PRR16: variants seen among roughly 807,000 people sequenced by gnomAD.
PRR16 encodes the protein proline rich 16.
In PRR16, 6 loss-of-function variants were observed where a neutral mutation model predicts 18.2. The ratio of observed to expected loss-of-function variants is 0.33; its 90% CI spans 0.18 to 0.65. The LOEUF is 0.65. Among genes scored for constraint, PRR16 ranks in the 30% least tolerant of loss-of-function variants. The probability of loss-of-function intolerance (pLI) is 0.74; values close to 1 mark genes in which losing one functional copy is unlikely to be tolerated. For synonymous variants in PRR16, 151 were observed against 147.8 expected (o/e 1.02, Z -0.16); for missense variants, 412 against 376.6 (o/e 1.09, Z -0.78).
At chr5:120,669,446 G>A (rs1426403887) in intron 1 of PRR16, among the ~76,000 whole-genome samples, 1 of 151,810 alleles carries the variant, frequency 6.6e-6, no homozygotes, top group Non-Finnish European at 1.5e-5. Flanking sequence ...GCTCTTATGT[G>A]AATTATTAAC....
the PRR16 span, among the ~76,000 whole-genome samples, chr5:120,709,961 A>G: frequency 1.2e-4 from 18 of 152,244 alleles, no homozygotes; most frequent in East Asian, 3.3e-3. Context: ...TCTTCAATAT[A>G]TTGATTTCCT....
At chr5:120,663,049 G>A (rs375151982) in intron 1 of PRR16, among the ~76,000 whole-genome samples, 5 of 152,150 alleles carry the variant, frequency 3.3e-5, no homozygotes, top group African/African-American at 7.2e-5. Flanking sequence ...CCTGTTCACC[G>A]TTCTTCTTTC....
chr5:120,628,972 T>G (rs571477509), intron 1 of PRR16, among the ~76,000 whole-genome samples: 7 of 152,136 alleles, frequency 4.6e-5, no homozygotes, highest in African/African-American at 1.7e-4. Flanking sequence ...TATAGATTAT[T>G]TTATAAGCCA....
At chr5:120,791,616 TATCTATCCATCC>T in the PRR16 span, among the ~76,000 whole-genome samples, 1 of 149,402 alleles carries the variant, frequency 6.7e-6, no homozygotes, top group African/African-American at 2.5e-5. Flanking sequence ...TCTATCTATC[TATCTATCCATCC>T]ATCTATCATC....
chr5:120,675,063 T>G (rs955922173), intron 1 of PRR16, among the ~76,000 whole-genome samples: 1 of 152,166 alleles, frequency 6.6e-6, no homozygotes, highest in African/African-American at 2.4e-5. Flanking sequence ...TCTTTAACAT[T>G]GATCAATTCA....
the PRR16 span, among the ~76,000 whole-genome samples, chr5:120,776,150 C>G: frequency 2.6e-5 from 4 of 152,044 alleles, no homozygotes; most frequent in Non-Finnish European, 5.9e-5. Context: ...TTCTCGTCAT[C>G]ATTGGATATG....
the PRR16 span, among the ~76,000 whole-genome samples, chr5:120,736,180 C>T: frequency 6.6e-6 from 1 of 152,200 alleles, no homozygotes; most frequent in Non-Finnish European, 1.5e-5. Flanking sequence ...GCATATATGC[C>T]TGTCTTTTTG....
At chr5:120,727,386 C>T in the PRR16 span, among the ~76,000 whole-genome samples, 1 of 151,992 alleles carries the variant, frequency 6.6e-6, no homozygotes, top group East Asian at 1.9e-4. Context: ...TGGTCACCTG[C>T]CTAATCTGTA....
intron 1 of PRR16, among the ~76,000 whole-genome samples, chr5:120,482,638 A>G (rs927416801): frequency 6.6e-6 from 1 of 152,162 alleles, no homozygotes; most frequent in Admixed American, 6.6e-5. Flanking sequence ...TCTTTTGGAT[A>G]TATACCTGGC....
At chr5:120,533,784 C>G (rs1443340154) in intron 1 of PRR16, among the ~76,000 whole-genome samples, 1 of 152,174 alleles carries the variant, frequency 6.6e-6, no homozygotes, top group Non-Finnish European at 1.5e-5. Flanking sequence ...TAACTTTTCT[C>G]TGAGTGAAAT....
chr5:120,512,199 T>C (rs1013855492), intron 1 of PRR16, among the ~76,000 whole-genome samples: 2 of 94,264 alleles, frequency 2.1e-5, no homozygotes, highest in Non-Finnish European at 4.4e-5. Flanking sequence ...GATACAGAGA[T>C]AGCATTCAAG....
At chr5:120,539,990 A>T (rs1043651861) in intron 1 of PRR16, among the ~76,000 whole-genome samples, 2 of 152,124 alleles carry the variant, frequency 1.3e-5, no homozygotes, top group African/African-American at 4.8e-5. Flanking sequence ...AAAGCCTGAG[A>T]GTACAGCTGC....
chr5:120,712,560 A>G, the PRR16 span, among the ~76,000 whole-genome samples: 9 of 152,296 alleles, frequency 5.9e-5, no homozygotes, highest in Middle Eastern at 3.4e-3. Flanking sequence ...TATACCTGAT[A>G]AGGGTGTATA....
the PRR16 span, among the ~76,000 whole-genome samples, chr5:120,738,206 G>A: frequency 5.9e-5 from 9 of 152,058 alleles, no homozygotes; most frequent in Admixed American, 6.6e-5. Context: ...ACAGCCTTTT[G>A]TAAAGCATTG....
At chr5:120,762,230 C>A in the PRR16 span, among the ~76,000 whole-genome samples, 1 of 152,004 alleles carries the variant, frequency 6.6e-6, no homozygotes, top group African/African-American at 2.4e-5. Flanking sequence ...GGATAAATAT[C>A]CAGCAGTGGA....
At chr5:120,606,444 A>G (rs1301545057) in intron 1 of PRR16, among the ~76,000 whole-genome samples, 3 of 152,120 alleles carry the variant, frequency 2.0e-5, no homozygotes, top group Non-Finnish European at 4.4e-5. Context: ...ACTTTTTTAT[A>G]TTGACTTTTA....
the PRR16 span, among the ~76,000 whole-genome samples, chr5:120,762,222 A>G: frequency 7.2e-5 from 11 of 152,118 alleles, no homozygotes; most frequent in African/African-American, 2.2e-4. Flanking sequence ...CTTTCCTTGG[A>G]TAAATATCCA....
intron 1 of PRR16, among the ~76,000 whole-genome samples, chr5:120,497,763 T>C (rs891998774): frequency 6.6e-6 from 1 of 151,794 alleles, no homozygotes; most frequent in South Asian, 2.1e-4. Context: ...ATAGACAACA[T>C]TGTATAAAAA....
chr5:120,537,651 T>G, intron 1 of PRR16, among the ~76,000 whole-genome samples: 1 of 149,622 alleles, frequency 6.7e-6, no homozygotes, highest in Non-Finnish European at 1.5e-5. Context: ...TGACTGAAGT[T>G]AAAGTGCTAT....
Sources: gnomAD v4.1 joint callset for allele counts (sites outside exome capture counted in the v4.1 genomes callset) on GRCh38, gnomAD v4.1.1 for gene constraint, MANE v1.5 for transcripts, NCBI Gene and HGNC (gene_info 2026-07-23, HGNC 2026-07-21) for gene names.